CDC42EP3: variants seen among roughly 807,000 people sequenced by gnomAD.
CDC42EP3 encodes the protein CDC42 effector protein (Rho GTPase binding) 3.
Under a neutral mutation model 15.5 loss-of-function variants are expected in CDC42EP3, and 4 were observed. That is an observed-to-expected ratio of 0.26 (90% CI 0.13 to 0.59). CDC42EP3 has a LOEUF of 0.59. CDC42EP3 is among the 20% of genes least tolerant of loss of function. The pLI, the probability that CDC42EP3 is intolerant of heterozygous loss-of-function variation, is 0.89. For synonymous variants in CDC42EP3, 145 were observed against 130.3 expected (o/e 1.11, Z -0.77); for missense variants, 309 against 311.2 (o/e 0.99, Z 0.05).
rs1416348935 is a variant in CDC42EP3 at position 37,646,502 on chromosome 2, T to G, written c.86A>C (p.Asp29Ala). The change falls in exon 2 of 2, where the codon GAT becomes GCT. Residue 29 changes from aspartate to alanine, a missense_variant. Asp to Ala is a moderately radical substitution (Grantham distance 126). Transcript: ENST00000295324. Reference sequence around the variant, plus strand: ...GTCTCCAAGCGGGGGACTGATCATATCAGGAGACAGAATGTCCCTCAGTTT... The same window carrying G: ...GTCTCCAAGCGGGGGACTGATCATAGCAGGAGACAGAATGTCCCTCAGTTT... ...KFKLRDILSP[D>A]MISPPLGDFR... 6.2e-7 allele frequency: 1 copy of G among 1,605,240 alleles called. No homozygotes were observed. The highest frequency in any genetic ancestry group is 1.3e-5 in the African/African-American group (1 of 74,268).
chr2:37,648,304 C>T (rs1665542118), intron 1 of CDC42EP3, among the ~76,000 whole-genome samples: 1 of 152,238 alleles, frequency 6.6e-6, no homozygotes. Context: ...CAAATAAATA[C>T]TCCAAGGGCT....
intron 1 of CDC42EP3, among the ~76,000 whole-genome samples, chr2:37,649,591 G>A (rs916342430): frequency 1.3e-5 from 2 of 152,042 alleles, no homozygotes; most frequent in African/African-American, 4.8e-5. Flanking sequence ...AAGAGCAAAG[G>A]GGGAGAAAGT....
chr2:37,656,202 T>C (rs886697104), intron 1 of CDC42EP3, among the ~76,000 whole-genome samples: 1 of 152,244 alleles, frequency 6.6e-6, no homozygotes, highest in African/African-American at 2.4e-5. Flanking sequence ...AATCTGGTAG[T>C]CGTCATTCTA....
chr2:37,656,162 C>G (rs916637175), intron 1 of CDC42EP3, among the ~76,000 whole-genome samples: 2 of 152,236 alleles, frequency 1.3e-5, no homozygotes, highest in Admixed American at 6.5e-5. Flanking sequence ...CATGGCTTTT[C>G]TGTATGATAC....
intron 1 of CDC42EP3, among the ~76,000 whole-genome samples, chr2:37,670,372 G>GC (rs983839736): frequency 2.6e-5 from 4 of 151,782 alleles, no homozygotes; most frequent in South Asian, 2.1e-4. Flanking sequence ...CCTCCCTAGA[G>GC]CCCCCCTACA....
intron 1 of CDC42EP3, among the ~76,000 whole-genome samples, chr2:37,661,955 C>A (rs1666069156): frequency 6.6e-6 from 1 of 152,056 alleles, no homozygotes; most frequent in African/African-American, 2.4e-5. Flanking sequence ...CACTTAAACA[C>A]TTAAGGCCTT....
chr2:37,667,730 T>G (rs1176897236), intron 1 of CDC42EP3, among the ~76,000 whole-genome samples: 1 of 152,250 alleles, frequency 6.6e-6, no homozygotes, highest in African/African-American at 2.4e-5. Flanking sequence ...CAGGGTGATA[T>G]GAAATTATTT....
rs1665425376 is a variant in CDC42EP3 at position 37,645,642 on chromosome 2, G to C, written c.*181C>G. On this transcript the variant is annotated 3_prime_UTR_variant, in exon 2 of 2. Transcript: ENST00000295324. The stretch of plus-strand genomic sequence containing the variant: ...TTTTTGCCAAGATAGGTTTTGCTTT[G>C]TTGTTTTTTTCTAAATTGTTTTTGC... The C allele has an allele frequency of 2.0e-6, 1 of 504,776 alleles. No individual in the cohort carries two copies. The highest frequency in any genetic ancestry group is 2.0e-5 in the African/African-American group (1 of 50,884). 31.3% of individuals were successfully genotyped at this position (504,776 alleles called of 1,614,324 possible).
intron 1 of CDC42EP3, among the ~76,000 whole-genome samples, chr2:37,658,358 G>A (rs1665950358): frequency 6.6e-6 from 1 of 152,126 alleles, no homozygotes; most frequent in Admixed American, 6.5e-5. Flanking sequence ...GTATGCTGTT[G>A]AGCTTGCATG....
Position 37,642,860 on chromosome 2 carries a change from G to C in CDC42EP3, c.*2963C>G, listed in dbSNP as rs1665312382. On this transcript the variant is annotated 3_prime_UTR_variant, in exon 2 of 2. Coordinates refer to ENST00000295324, the MANE Select transcript of CDC42EP3 (RefSeq NM_006449.5). ...CTGTTCAACCAGTGTAGTCTTTTGT[G>C]TGTGCTGTTAACAGTGATTTCTGGC... The C allele has an allele frequency of 6.6e-6, 1 of 152,178 alleles. No homozygotes were observed. 9.4% of individuals were successfully genotyped at this position (152,178 alleles called of 1,614,324 possible). A position where few individuals can be genotyped will look rare whatever the true frequency, so the allele number is the denominator to read the frequency against.
intron 1 of CDC42EP3, among the ~76,000 whole-genome samples, chr2:37,664,378 T>C (rs1193343153): frequency 6.6e-6 from 1 of 152,218 alleles, no homozygotes; most frequent in Non-Finnish European, 1.5e-5. Context: ...AAGGCTGCAC[T>C]GTTGGCTTCC....
At chr2:37,663,804 G>A (rs956147569) in intron 1 of CDC42EP3, among the ~76,000 whole-genome samples, 2 of 152,214 alleles carry the variant, frequency 1.3e-5, no homozygotes, top group African/African-American at 4.8e-5. Context: ...ATTTGAGTCG[G>A]TGAATTGGGA....
Position 37,642,885 on chromosome 2 carries a change from C to A in CDC42EP3, c.*2938G>T, listed in dbSNP as rs1192541289. 1 of 152,172 alleles carries A rather than the reference C, an allele frequency of 6.6e-6. No homozygotes were observed. The highest frequency in any genetic ancestry group is 1.5e-5 in the Non-Finnish European group (1 of 68,028). 9.4% of individuals were successfully genotyped at this position (152,172 alleles called of 1,614,324 possible). A position where few individuals can be genotyped will look rare whatever the true frequency, so the allele number is the denominator to read the frequency against. Reference sequence around the variant, plus strand: ...GTGTGCTGTTAACAGTGATTTCTGGCTCAGTGAAATGTGATAATGACTTCA... The same window carrying A: ...GTGTGCTGTTAACAGTGATTTCTGGATCAGTGAAATGTGATAATGACTTCA... On this transcript the variant is annotated 3_prime_UTR_variant, in exon 2 of 2. Coordinates refer to ENST00000295324, the MANE Select transcript of CDC42EP3 (RefSeq NM_006449.5).
At chr2:37,661,110 A>AGTGTGT (rs34074254) in intron 1 of CDC42EP3, among the ~76,000 whole-genome samples, 1,845 of 141,456 alleles carry the variant, frequency 0.013, 29 homozygotes, top group African/African-American at 0.043. Flanking sequence ...GTGTGTGTAC[A>AGTGTGT]GTGTGTGTGT....
At chr2:37,663,793 CA>C (rs778534277) in intron 1 of CDC42EP3, among the ~76,000 whole-genome samples, 3 of 152,136 alleles carry the variant, frequency 2.0e-5, no homozygotes, top group Non-Finnish European at 2.9e-5. Flanking sequence ...AGGAGATTAA[CA>C]TTTGAGTCGG....
chr2:37,669,882 A>C (rs1263362401), intron 1 of CDC42EP3, among the ~76,000 whole-genome samples: 2 of 152,230 alleles, frequency 1.3e-5, no homozygotes, highest in Non-Finnish European at 2.9e-5. Context: ...TCACATATGA[A>C]AATGCTAAAT....
intron 1 of CDC42EP3, among the ~76,000 whole-genome samples, chr2:37,671,012 G>T (rs1245646244): frequency 6.6e-6 from 1 of 152,266 alleles, no homozygotes; most frequent in South Asian, 2.1e-4. Flanking sequence ...GGCAGGCGAT[G>T]CCACGGCAGA....
intron 1 of CDC42EP3, among the ~76,000 whole-genome samples, chr2:37,659,514 T>C (rs114704307): frequency 0.025 from 3,784 of 152,336 alleles, 70 homozygotes; most frequent in Middle Eastern, 0.044. Flanking sequence ...AGGCAAATAT[T>C]TGTGGACATG....
intron 1 of CDC42EP3, among the ~76,000 whole-genome samples, chr2:37,666,778 A>G (rs141063366): frequency 6.6e-6 from 1 of 151,658 alleles, no homozygotes; most frequent in East Asian, 1.9e-4. Context: ...TGTGATTCTG[A>G]TGAAACTTGG....
Sources: gnomAD v4.1 joint callset for allele counts (sites outside exome capture counted in the v4.1 genomes callset) on GRCh38, gnomAD v4.1.1 for gene constraint, MANE v1.5 for transcripts, NCBI Gene and HGNC (gene_info 2026-07-23, HGNC 2026-07-21) for gene names.